The following CNTN1 variants were observed in gnomAD, a reference collection of about 807,000 sequenced individuals.
CNTN1 encodes contactin 1, also known as contactin-1.
In CNTN1, 38 loss-of-function variants were observed where a neutral mutation model predicts 126.4. The observed-to-expected ratio is 0.30, with a 90% CI of 0.23 to 0.39. The LOEUF (loss-of-function observed/expected upper bound fraction) is 0.39, where lower values mean the gene tolerates loss of function less well. CNTN1 is among the 10% of genes least tolerant of loss of function. The probability of loss-of-function intolerance (pLI) is 1.00; values close to 1 mark genes in which losing one functional copy is unlikely to be tolerated. For synonymous variants in CNTN1, 413 were observed against 422.6 expected, an observed-to-expected ratio of 0.98 and a Z score of 0.28; for missense variants, 1,009 against 1,248.4, an observed-to-expected ratio of 0.81 and a Z score of 2.89.
In CNTN1 at chr12:41,046,226, G is replaced by A. The variant is rs775914822; in HGVS notation, c.2980+17007G>A. Among the ~76,000 whole-genome samples the A allele has an allele frequency of 3.9e-5, 6 of 152,130 alleles. No individual in the cohort carries two copies. The South Asian group carries it at 6.2e-4, about 16-fold the overall frequency. On this transcript the variant is annotated intron_variant, in intron 23 of 23. Transcript: ENST00000551295. ...CCACTCATGATCACAACCGAAACAG[G>A]AATTCACAGATTTCAGTGTGAATTT...
intron 1 of CNTN1, among the ~76,000 whole-genome samples, chr12:40,721,623 C>T (rs886403027): frequency 1.3e-5 from 2 of 149,478 alleles, no homozygotes; most frequent in Admixed American, 1.3e-4. Flanking sequence ...CATATGTATA[C>T]ATGTGCCATG....
intron 1 of CNTN1, among the ~76,000 whole-genome samples, chr12:40,878,973 T>G (rs1276881526): frequency 1.3e-5 from 2 of 152,164 alleles, no homozygotes; most frequent in East Asian, 3.8e-4. Flanking sequence ...TGAATTAATT[T>G]TTCATAGTCC....
At chr12:40,714,346 C>A (rs10735957) in intron 1 of CNTN1, among the ~76,000 whole-genome samples, 92,690 of 151,758 alleles carry the variant, frequency 0.61, 29,098 homozygotes, top group East Asian at 0.84. Context: ...ACAAATGATC[C>A]CATATTACTG....
At chr12:40,818,962 G>A (rs956826794) in intron 1 of CNTN1, among the ~76,000 whole-genome samples, 1 of 152,006 alleles carries the variant, frequency 6.6e-6, no homozygotes, top group Admixed American at 6.6e-5. Flanking sequence ...GCAGTTTGCC[G>A]GGGGTTCGCT....
At chr12:41,048,047 A>G (rs1240726166) in intron 23 of CNTN1, among the ~76,000 whole-genome samples, 1 of 152,072 alleles carries the variant, frequency 6.6e-6, no homozygotes, top group East Asian at 1.9e-4. Context: ...CCTTGCATAG[A>G]CCACCCATTC....
At chr12:40,808,075 A>G (rs192485790) in intron 1 of CNTN1, among the ~76,000 whole-genome samples, 4 of 152,302 alleles carry the variant, frequency 2.6e-5, no homozygotes, top group Middle Eastern at 3.4e-3. Context: ...ATCTTTTGGA[A>G]TAAGCATTCC....
At chr12:40,727,102 CAT>C (rs1367370408) in intron 1 of CNTN1, among the ~76,000 whole-genome samples, 1 of 148,952 alleles carries the variant, frequency 6.7e-6, no homozygotes, top group Non-Finnish European at 1.5e-5. Context: ...TAAAAAAGAA[CAT>C]GAGGAAATAT....
intron 14 of CNTN1, among the ~76,000 whole-genome samples, chr12:40,949,569 C>CTTTTTTTTTTTTTTTTTTTTTT (rs36070275): frequency 1.6e-5 from 1 of 64,346 alleles, no homozygotes; most frequent in Non-Finnish European, 2.8e-5. Flanking sequence ...TCTTTTCTTT[C>CTTTTTTTTTTTTTTTTTTTTTT]TTTTTTTTTT....
chr12:40,907,824 A>G (rs1171278240), intron 1 of CNTN1, among the ~76,000 whole-genome samples: 1 of 152,204 alleles, frequency 6.6e-6, no homozygotes, highest in Non-Finnish European at 1.5e-5. Context: ...TAAAATTAGC[A>G]TGTCTGGCAA....
intron 1 of CNTN1, among the ~76,000 whole-genome samples, chr12:40,746,260 T>C (rs1020830233): frequency 2.0e-5 from 3 of 152,154 alleles, no homozygotes; most frequent in Non-Finnish European, 4.4e-5. Flanking sequence ...CAAAATCTGC[T>C]TCAAATAATC....
chr12:40,843,679 T>G lies in CNTN1; in HGVS notation c.-76-64678T>G, dbSNP rs371611303. ...ATCCCATATTGTGACCCACTCATAC[T>G]TAAAGGGCAAATTATATAATACAAA... On this transcript the variant is annotated intron_variant, in intron 1 of 23. Transcript: ENST00000551295. 8.5e-5 allele frequency among the ~76,000 whole-genome samples: 13 copies of G among 152,304 alleles called. No homozygotes were observed. The East Asian group carries it at 1.4e-3, about 16-fold the overall frequency.
intron 1 of CNTN1, among the ~76,000 whole-genome samples, chr12:40,784,967 G>A (rs1448314883): frequency 3.9e-5 from 6 of 152,018 alleles, no homozygotes; most frequent in South Asian, 2.1e-4. Flanking sequence ...GGAATCCTTC[G>A]TAGTGTGAAC....
chr12:40,975,061 T>A (rs1947632579), intron 15 of CNTN1, among the ~76,000 whole-genome samples: 1 of 151,478 alleles, frequency 6.6e-6, no homozygotes, highest in South Asian at 2.1e-4. Flanking sequence ...TTTCTCATTT[T>A]GAGCGTGTTA....
chr12:40,977,947 G>A (rs117178757), intron 15 of CNTN1, among the ~76,000 whole-genome samples: 1 of 151,956 alleles, frequency 6.6e-6, no homozygotes, highest in Admixed American at 6.6e-5. Context: ...GGATTATTAG[G>A]TGTGTACTGC....
intron 2 of CNTN1, among the ~76,000 whole-genome samples, chr12:40,908,803 G>T (rs929136924): frequency 6.6e-6 from 1 of 152,026 alleles, no homozygotes; most frequent in Non-Finnish European, 1.5e-5. Context: ...GTTTCAACCT[G>T]ACATCATTTA....
intron 1 of CNTN1, among the ~76,000 whole-genome samples, chr12:40,734,427 T>A (rs1942570005): frequency 6.6e-6 from 1 of 152,074 alleles, no homozygotes; most frequent in Admixed American, 6.6e-5. Flanking sequence ...CACATAAAAG[T>A]TACTGAGCAA....
chr12:40,873,844 A>G (rs2136677467), intron 1 of CNTN1, among the ~76,000 whole-genome samples: 1 of 152,194 alleles, frequency 6.6e-6, no homozygotes. Context: ...ATTGCCCCCA[A>G]ACTAAATATG....
At chr12:41,055,877 G>A (rs1421141889) in intron 23 of CNTN1, among the ~76,000 whole-genome samples, 1 of 152,108 alleles carries the variant, frequency 6.6e-6, no homozygotes, top group East Asian at 1.9e-4. Flanking sequence ...TACAGCCACG[G>A]ATTTGCTCTT....
chr12:41,043,911 A>G (rs1949480893), intron 23 of CNTN1, among the ~76,000 whole-genome samples: 2 of 145,014 alleles, frequency 1.4e-5, no homozygotes, highest in South Asian at 4.5e-4. Context: ...AAAAAACCAA[A>G]CACCGCATGT....
Sources: gnomAD v4.1 joint callset for allele counts (sites outside exome capture counted in the v4.1 genomes callset) on GRCh38, gnomAD v4.1.1 for gene constraint, MANE v1.5 for transcripts, NCBI Gene and HGNC (gene_info 2026-07-23, HGNC 2026-07-21) for gene names.